XIRP2: variants seen among roughly 807,000 people sequenced by gnomAD.
XIRP2 encodes the protein xin actin binding repeat containing 2, also known as xin actin-binding repeat-containing protein 2.
In XIRP2, 236 loss-of-function variants were observed where a neutral mutation model predicts 277.0. The ratio of observed to expected loss-of-function variants is 0.85; its 90% CI spans 0.77 to 0.95. The LOEUF is 0.95. XIRP2 is among the 40% of genes least tolerant of loss of function. XIRP2 has a pLI of 0.00. For synonymous variants in XIRP2, 1,490 were observed against 1,416.5 expected, an observed-to-expected ratio of 1.05 and a Z score of -1.17; for missense variants, 4,640 against 4,157.5, an observed-to-expected ratio of 1.12 and a Z score of -3.19.
chr2:167,249,082 G>A lies in XIRP2; in HGVS notation c.7690G>A (p.Glu2564Lys). ...AGAAGAAATTGAAAAACAGAAACAG[G>A]AGAGTTCTTACTACAACATTGTTAA... ...QKEEIEKQKQ[E>K]SSYYNIVKTQ... The change falls in exon 9 of 11, where the codon GAG becomes AAG. Residue 2564 changes from glutamate (E) to lysine (K), a missense_variant. Physicochemically the swap from Glu to Lys is moderately conservative, Grantham distance 56 (BLOSUM62 1). Coordinates refer to ENST00000409195, the MANE Select transcript of XIRP2 (RefSeq NM_152381.6). 6.2e-7 allele frequency: 1 copy of A among 1,613,490 alleles called. No individual in the cohort carries two copies.
intron 2 of XIRP2, among the ~76,000 whole-genome samples, chr2:166,948,517 T>G (rs974684896): frequency 3.9e-5 from 6 of 152,030 alleles, no homozygotes; most frequent in African/African-American, 1.2e-4. Flanking sequence ...CCTCAGAAAT[T>G]TTGTATTTTA....
At chr2:167,082,818 A>T (rs1213302607) in intron 2 of XIRP2, among the ~76,000 whole-genome samples, 1 of 151,980 alleles carries the variant, frequency 6.6e-6, no homozygotes, top group African/African-American at 2.4e-5. Flanking sequence ...AATCTGTTTC[A>T]GTTCATTGTA....
chr2:167,140,237 A>G (rs764607141), intron 3 of XIRP2, among the ~76,000 whole-genome samples: 62 of 152,348 alleles, frequency 4.1e-4, no homozygotes, highest in Middle Eastern at 6.8e-3. Flanking sequence ...AAACAGAAAT[A>G]CTACTGTGAG....
At chr2:166,939,069 T>C (rs553931910) in intron 2 of XIRP2, among the ~76,000 whole-genome samples, 1 of 152,356 alleles carries the variant, frequency 6.6e-6, no homozygotes, top group African/African-American at 2.4e-5. Flanking sequence ...TGTCTTTCAA[T>C]TGGAGCATTT....
intron 3 of XIRP2, among the ~76,000 whole-genome samples, chr2:167,150,293 T>C (rs1334749454): frequency 6.6e-6 from 1 of 152,050 alleles, no homozygotes; most frequent in Non-Finnish European, 1.5e-5. Flanking sequence ...GACCCTCTCA[T>C]ATGTTGTTGG....
chr2:166,941,202 C>T (rs531145206), intron 2 of XIRP2, among the ~76,000 whole-genome samples: 9 of 152,256 alleles, frequency 5.9e-5, no homozygotes, highest in Middle Eastern at 6.8e-3. Flanking sequence ...GATTGCTGTG[C>T]GAGCAATGAG....
At chr2:167,161,963 A>T (rs562866015) in intron 3 of XIRP2, among the ~76,000 whole-genome samples, 89 of 152,240 alleles carry the variant, frequency 5.8e-4, no homozygotes, top group African/African-American at 2.0e-3. Flanking sequence ...TAGATAACCT[A>T]AATCATCTCT....
chr2:166,957,092 AT>A (rs1181216084), intron 2 of XIRP2, among the ~76,000 whole-genome samples: 1 of 151,720 alleles, frequency 6.6e-6, no homozygotes, highest in Admixed American at 6.6e-5. Flanking sequence ...GGTAGTTGTT[AT>A]TGATAGAATT....
chr2:167,215,669 C>T (rs1694225861), intron 4 of XIRP2, among the ~76,000 whole-genome samples: 1 of 152,240 alleles, frequency 6.6e-6, no homozygotes, highest in Admixed American at 6.5e-5. Context: ...TGGGTCAGAC[C>T]TCAGGAGACC....
At chr2:167,236,258 TA>T (rs1340236954) in intron 5 of XIRP2, among the ~76,000 whole-genome samples, 1 of 151,968 alleles carries the variant, frequency 6.6e-6, no homozygotes, top group Non-Finnish European at 1.5e-5. Flanking sequence ...AAAGTTTTTT[TA>T]AAGCCTGTCC....
At chr2:167,111,661 G>T (rs1331679625) in intron 2 of XIRP2, among the ~76,000 whole-genome samples, 3 of 132,454 alleles carry the variant, frequency 2.3e-5, no homozygotes, top group East Asian at 2.3e-4. Flanking sequence ...GCCAGCTTTT[G>T]GTTATCATGA....
intron 3 of XIRP2, among the ~76,000 whole-genome samples, chr2:167,144,799 G>T (rs868006255): frequency 6.6e-6 from 1 of 152,008 alleles, no homozygotes; most frequent in Non-Finnish European, 1.5e-5. Context: ...GAAGCCAATT[G>T]CTTCATAGTT....
At chr2:166,904,988 C>T (rs1043394717) in intron 2 of XIRP2, among the ~76,000 whole-genome samples, 12 of 151,850 alleles carry the variant, frequency 7.9e-5, no homozygotes, top group Non-Finnish European at 1.8e-4. Flanking sequence ...AATCAAGTAA[C>T]TCTAATTTGT....
chr2:166,903,432 G>C, intron 1 of XIRP2, 33 bp from the exon 2 acceptor site: 4 of 1,563,490 alleles, frequency 2.6e-6, no homozygotes, highest in Non-Finnish European at 3.5e-6. Context: ...ACTCCTGAGT[G>C]TATCACTGAT....
intron 1 of XIRP2, among the ~76,000 whole-genome samples, chr2:166,903,174 G>A (rs1195291573): frequency 6.6e-6 from 1 of 152,064 alleles, no homozygotes; most frequent in African/African-American, 2.4e-5. Flanking sequence ...GCTGATTTTC[G>A]ATAAAAGGAA....
intron 1 of XIRP2, among the ~76,000 whole-genome samples, chr2:166,891,278 TAATA>T (rs1231750771): frequency 6.6e-6 from 1 of 152,202 alleles, no homozygotes; most frequent in Non-Finnish European, 1.5e-5. Context: ...CTGGTTCACT[TAATA>T]AATGTGAATG....
At chr2:167,100,733 C>A (rs2105285680) in intron 2 of XIRP2, among the ~76,000 whole-genome samples, 1 of 152,304 alleles carries the variant, frequency 6.6e-6, no homozygotes, top group African/African-American at 2.4e-5. Flanking sequence ...CAAACTGCTT[C>A]TTCTTGTTAG....
intron 2 of XIRP2, among the ~76,000 whole-genome samples, chr2:166,975,647 C>T (rs1019732211): frequency 2.0e-5 from 3 of 152,002 alleles, no homozygotes; most frequent in Admixed American, 6.6e-5. Context: ...TCATTGTGGC[C>T]GGGCGCGGTG....
intron 2 of XIRP2, among the ~76,000 whole-genome samples, chr2:167,082,407 C>T (rs1689764810): frequency 2.0e-5 from 3 of 151,778 alleles, no homozygotes; most frequent in Non-Finnish European, 4.4e-5. Context: ...AATAAACATA[C>T]ATGTGCATGT....
Sources: allele counts gnomAD v4.1 joint callset (sites outside exome capture counted in the v4.1 genomes callset), GRCh38; gene constraint gnomAD v4.1.1; transcripts MANE v1.5; gene names NCBI Gene and HGNC (gene_info 2026-07-23, HGNC 2026-07-21).